Variants in BPTF observed in about 807,000 individuals in gnomAD.
BPTF encodes nucleosome-remodeling factor subunit BPTF.
A neutral mutation model predicts 292.5 loss-of-function variants in BPTF; 18 were observed. That is an observed-to-expected ratio of 0.06 (90% CI 0.04 to 0.09). The LOEUF is 0.09. Among genes scored for constraint, BPTF ranks in the 10% least tolerant of loss-of-function variants. BPTF has a pLI of 1.00. For synonymous variants in BPTF, 1,225 were observed against 1,251.9 expected, an observed-to-expected ratio of 0.98 and a Z score of 0.45; for missense variants, 2,726 against 3,498.7, an observed-to-expected ratio of 0.78 and a Z score of 5.57.
intron 19 of BPTF, among the ~76,000 whole-genome samples, chr17:67,943,445 A>G (rs564767915): frequency 2.0e-3 from 307 of 152,284 alleles, no homozygotes; most frequent in African/African-American, 7.0e-3. Context: ...AGTTCTGGAC[A>G]GAAGAGAGAG....
chr17:67,881,073 G>A (rs1251732088), intron 4 of BPTF, among the ~76,000 whole-genome samples: 1 of 151,970 alleles, frequency 6.6e-6, no homozygotes, highest in African/African-American at 2.4e-5. Flanking sequence ...TAGAAGTTAT[G>A]TGAAGGAGAA....
intron 17 of BPTF, among the ~76,000 whole-genome samples, chr17:67,931,304 A>G (rs148337978): frequency 6.6e-6 from 1 of 151,738 alleles, no homozygotes; most frequent in African/African-American, 2.4e-5. Context: ...AAATAAGTAA[A>G]TGAATGAATG....
chr17:67,968,753 G>A (rs12453733), intron 26 of BPTF, among the ~76,000 whole-genome samples: 133,897 of 149,422 alleles, frequency 0.9, 62,407 homozygotes, highest in East Asian at 1. Context: ...GTGCCACTGC[G>A]CTCTAGCCTG....
At chr17:67,838,765 C>G (rs2057329673) in intron 1 of BPTF, among the ~76,000 whole-genome samples, 1 of 152,204 alleles carries the variant, frequency 6.6e-6, no homozygotes, top group Non-Finnish European at 1.5e-5. Context: ...CGTGAGCCAC[C>G]ACACCCAGCA....
intron 9 of BPTF, among the ~76,000 whole-genome samples, chr17:67,908,265 TCTC>T (rs1191723378): frequency 1.3e-5 from 2 of 151,844 alleles, no homozygotes; most frequent in Non-Finnish European, 2.9e-5. Context: ...TTGAAGCAAT[TCTC>T]CTGCTTCAGT....
intron 2 of BPTF, among the ~76,000 whole-genome samples, chr17:67,857,035 A>G (rs1344423715): frequency 6.6e-6 from 1 of 151,770 alleles, no homozygotes; most frequent in African/African-American, 2.4e-5. Context: ...TTAGTTTGAG[A>G]TCAGGCTTTC....
intron 26 of BPTF, among the ~76,000 whole-genome samples, chr17:67,973,746 A>C (rs1047745192): frequency 6.6e-6 from 1 of 151,894 alleles, no homozygotes. Flanking sequence ...ACCTTGGATG[A>C]TACGCCCACC....
chr17:67,856,094 G>T lies in BPTF; in HGVS notation c.1436+1332G>T, dbSNP rs555532791. On this transcript the variant is annotated intron_variant, in intron 2 of 27. Transcript: ENST00000306378. ...CCCTCTTGTATTTATCTTGAGCTAT[G>T]ATTTTATTGAACGTTGGACTTCCTA... is the stretch of plus-strand genomic sequence containing the variant. Among the ~76,000 whole-genome samples the T allele has an allele frequency of 1.4e-4, 21 of 152,286 alleles. 1 individual carries two copies. The South Asian group carries it at 4.1e-3, about 30-fold the overall frequency.
chr17:67,945,902 G>A lies in BPTF; in HGVS notation c.7194G>A (p.Gln2398=). The change falls in exon 21 of 28, where the codon CAG becomes CAA. Residue 2398 remains glutamine, a synonymous_variant. Coordinates refer to ENST00000306378, the MANE Select transcript of BPTF (RefSeq NM_182641.4). The part of the protein sequence containing the change: ...QGQPQSQPQV[Q]SSTQTLSSGQ... ...AGCCACAGTCACAACCCCAGGTACA[G>A]TCTTCAACTCAAACTCTTTCATCAG... 2 of 1,614,182 alleles carry A rather than the reference G, an allele frequency of 1.2e-6. No homozygotes were observed. Among genetic ancestry groups the A allele is most frequent in the Non-Finnish European group, 1.7e-6 (2 of 1,180,046 alleles).
intron 3 of BPTF, among the ~76,000 whole-genome samples, chr17:67,872,431 T>G (rs1295556671): frequency 6.6e-6 from 1 of 152,092 alleles, no homozygotes; most frequent in African/African-American, 2.4e-5. Flanking sequence ...TGTTTGAAAA[T>G]GGCCGGGCGT....
Position 67,976,710 on chromosome 17 carries a change from AAAAAAT to A in BPTF, c.8726+755_8726+760del, listed in dbSNP as rs1292878276. On this transcript the variant is annotated intron_variant, in intron 27 of 27. Coordinates refer to ENST00000306378, the MANE Select transcript of BPTF (RefSeq NM_182641.4). ...CAAAAAAAAAAAAAAAAAAAAAAAAAAAAAATAAGAATAAAAGAAGAATTTCCTGAG... is the reference window on the plus strand; with the variant it reads ...CAAAAAAAAAAAAAAAAAAAAAAAAAAAGAATAAAAGAAGAATTTCCTGAG... Among the ~76,000 whole-genome samples the A allele has an allele frequency of 7.7e-3, 1,079 of 140,280 alleles. 34 individuals carry two copies. Among genetic ancestry groups the A allele is most frequent in the African/African-American group, 0.024 (920 of 37,648 alleles). The allele number at this position is 140,280 out of a possible 152,430, so 92.0% of individuals were successfully genotyped here. A position where few individuals can be genotyped will look rare whatever the true frequency, so the allele number is the denominator to read the frequency against.
intron 1 of BPTF, among the ~76,000 whole-genome samples, chr17:67,847,428 A>T (rs974529525): frequency 2.0e-5 from 3 of 151,958 alleles, no homozygotes; most frequent in Admixed American, 6.6e-5. Context: ...GCAGAAGAAT[A>T]GCGTGAACCG....
intron 17 of BPTF, 72 bp from the exon 18 acceptor site, chr17:67,931,839 T>G (rs551732207): frequency 1.9e-5 from 21 of 1,094,032 alleles, no homozygotes; most frequent in Non-Finnish European, 2.7e-5. Context: ...TTTAAAGATC[T>G]TGTGTTCTAA....
chr17:67,826,370 T>G lies in BPTF; in HGVS notation c.613+33T>G. Reference sequence around the variant, plus strand: ...CCCAGCCCAGTTGCTGCAGACTCCTTCCCCACCTCCTCTGCCCTCCCCCCT... The same window carrying G: ...CCCAGCCCAGTTGCTGCAGACTCCTGCCCCACCTCCTCTGCCCTCCCCCCT... On this transcript the variant is annotated intron_variant, in intron 1 of 27. Transcript: ENST00000306378. 3 of 1,579,126 alleles carry G rather than the reference T, an allele frequency of 1.9e-6. No homozygotes were observed. The South Asian group carries it at 3.4e-5, about 18-fold the overall frequency.
chr17:67,959,231 A>G (rs1449500612), intron 23 of BPTF, among the ~76,000 whole-genome samples: 3 of 151,442 alleles, frequency 2.0e-5, no homozygotes, highest in African/African-American at 7.3e-5. Flanking sequence ...CCACAGAAAG[A>G]GCCCAGATGG....
chr17:67,941,390 T>C (rs1280912696), intron 19 of BPTF, among the ~76,000 whole-genome samples: 1 of 151,804 alleles, frequency 6.6e-6, no homozygotes, highest in African/African-American at 2.4e-5. Flanking sequence ...GAGGCGGAGG[T>C]TGTAGTGAGC....
chr17:67,876,252 GT>G (rs1478887014), intron 4 of BPTF, among the ~76,000 whole-genome samples: 1 of 152,168 alleles, frequency 6.6e-6, no homozygotes, highest in East Asian at 1.9e-4. Flanking sequence ...CACATTTTCA[GT>G]TTTTAAAATT....
At chr17:67,968,817 TA>T (rs1489403279) in intron 26 of BPTF, among the ~76,000 whole-genome samples, 1 of 143,438 alleles carries the variant, frequency 7.0e-6, no homozygotes, top group Non-Finnish European at 1.5e-5. Flanking sequence ...ATTTAGAAAA[TA>T]AATACTATAC....
At chr17:67,929,073 C>T in intron 16 of BPTF, 1 of 1,284,110 alleles carries the variant, frequency 7.8e-7, no homozygotes, top group South Asian at 2.1e-5. Context: ...CTGCCACTTC[C>T]TGCAAACAGC....
Sources: gnomAD v4.1 joint callset for allele counts (sites outside exome capture counted in the v4.1 genomes callset) on GRCh38, gnomAD v4.1.1 for gene constraint, MANE v1.5 for transcripts, NCBI Gene and HGNC (gene_info 2026-07-23, HGNC 2026-07-21) for gene names.